Variants in NAA40 observed in about 807,000 individuals in gnomAD.
NAA40 encodes N-alpha-acetyltransferase 40.
Under a neutral mutation model 36.6 loss-of-function variants are expected in NAA40, and 26 were observed. The observed-to-expected ratio is 0.71, with a 90% CI of 0.52 to 0.98. The LOEUF is 0.98. Ranked by LOEUF, NAA40 falls within the 50% of genes least tolerant of loss-of-function variation. NAA40 has a pLI of 0.00. For missense variants in NAA40, 237 were observed against 306.5 expected (o/e 0.77, Z 1.69); for synonymous variants, 129 against 108.4 (o/e 1.19, Z -1.18).
intron 1 of NAA40, among the ~76,000 whole-genome samples, chr11:63,939,735 T>C (rs944788380): frequency 2.0e-5 from 3 of 152,122 alleles, no homozygotes; most frequent in Non-Finnish European, 4.4e-5. Flanking sequence ...TGCAATGAAA[T>C]GGTTCTTACG....
chr11:63,939,355 T>C, intron 1 of NAA40: 4 of 1,225,884 alleles, frequency 3.3e-6, no homozygotes, highest in Non-Finnish European at 3.0e-6. Flanking sequence ...CCCTTCCTGC[T>C]TCGCGGACCC....
intron 1 of NAA40, among the ~76,000 whole-genome samples, chr11:63,940,250 CA>C (rs2134263961): frequency 6.6e-6 from 1 of 152,142 alleles, no homozygotes; most frequent in East Asian, 1.9e-4. Flanking sequence ...AGGGTTTCAC[CA>C]CGTTGGCCAG....
At chr11:63,947,103 C>A in intron 3 of NAA40, 100 bp downstream of exon 3, 2 of 1,302,500 alleles carry the variant, frequency 1.5e-6, no homozygotes, top group Non-Finnish European at 2.2e-6. Flanking sequence ...TCTCATTGTT[C>A]TTCGTATTTA....
chr11:63,944,537 T>C (rs1049763437), intron 1 of NAA40, among the ~76,000 whole-genome samples: 2 of 152,044 alleles, frequency 1.3e-5, no homozygotes, highest in African/African-American at 4.8e-5. Flanking sequence ...GGACCCTCAG[T>C]CATCAAGCCA....
rs1342179436 is a variant in NAA40 at position 63,957,189 on chromosome 11, T to A, written c.*2710T>A. ...AGAGGAAATTTGGAAGATAAACTCC[T>A]TGATATATATATATATATATATATT... is the stretch of plus-strand genomic sequence containing the variant. On this transcript the variant is annotated 3_prime_UTR_variant, in exon 8 of 8. Coordinates refer to ENST00000377793, the MANE Select transcript of NAA40 (RefSeq NM_024771.4). 1.2e-5 allele frequency: 1 copy of A among 83,050 alleles called. No individual in the cohort carries two copies. Among genetic ancestry groups the A allele is most frequent in the Admixed American group, 1.4e-4 (1 of 7,378 alleles). 5.1% of individuals were successfully genotyped at this position (83,050 alleles called of 1,614,324 possible). A position where few individuals can be genotyped will look rare whatever the true frequency, so the allele number is the denominator to read the frequency against.
Position 63,944,334 on chromosome 11 carries a change from T to C in NAA40, c.7-1506T>C, listed in dbSNP as rs1200246778. 2.0e-5 allele frequency among the ~76,000 whole-genome samples: 3 copies of C among 151,166 alleles called. No homozygotes were observed. The East Asian group carries it at 5.8e-4, about 29-fold the overall frequency. On this transcript the variant is annotated intron_variant, in intron 1 of 7. Transcript: ENST00000377793. Reference sequence around the variant, plus strand: ...CCAGAGAGCTCAGGGAAAGGAGGGGTGTTGGGGGGGAGGTGTCAAAAGAGG... The same window carrying C: ...CCAGAGAGCTCAGGGAAAGGAGGGGCGTTGGGGGGGAGGTGTCAAAAGAGG...
chr11:63,939,052 G>C lies in NAA40; in HGVS notation c.-45G>C, dbSNP rs1361998685. The C allele has an allele frequency of 1.3e-6, 2 of 1,589,018 alleles. No individual in the cohort carries two copies. The highest frequency in any genetic ancestry group is 1.4e-5 in the African/African-American group (1 of 69,086). On this transcript the variant is annotated 5_prime_UTR_variant, in exon 1 of 8. Coordinates refer to ENST00000377793, the MANE Select transcript of NAA40 (RefSeq NM_024771.4). ...CAGCCACCGCCGTTGCCGCCTCCCT[G>C]CCGGCAAGTGTGTGAAGAAGAAGCT... is the stretch of plus-strand genomic sequence containing the variant.
intron 3 of NAA40, among the ~76,000 whole-genome samples, chr11:63,949,253 A>T (rs1942237289): frequency 1.3e-5 from 2 of 152,198 alleles, no homozygotes; most frequent in Admixed American, 1.3e-4. Flanking sequence ...ACTTGTCAGG[A>T]GGATAAGATG....
intron 1 of NAA40, among the ~76,000 whole-genome samples, chr11:63,941,278 C>G (rs1565169172): frequency 6.6e-6 from 1 of 152,186 alleles, no homozygotes; most frequent in Non-Finnish European, 1.5e-5. Flanking sequence ...AGTCATCATT[C>G]CTTGTAGTTA....
rs1481036158 is a variant in NAA40 at position 63,956,046 on chromosome 11, GCAGGAGCCTGTGTACA to G, written c.*1572_*1587del. ...GCTTCTCACCTGGATTCCTGCTTGT[GCAGGAGCCTGTGTACA>G]CAGGGCCTCCCTCACCCAGCCTGGC... On this transcript the variant is annotated 3_prime_UTR_variant, in exon 8 of 8. Transcript: ENST00000377793. The G allele has an allele frequency of 1.3e-5, 2 of 152,710 alleles. No homozygotes were observed. The highest frequency in any genetic ancestry group is 2.4e-5 in the African/African-American group (1 of 41,422). 9.5% of individuals were successfully genotyped at this position (152,710 alleles called of 1,614,324 possible). A position where few individuals can be genotyped will look rare whatever the true frequency, so the allele number is the denominator to read the frequency against.
chr11:63,946,456 T>C (rs1942188367), intron 2 of NAA40: 2 of 947,740 alleles, frequency 2.1e-6, no homozygotes, highest in South Asian at 2.8e-5. Flanking sequence ...TCACCTGCCT[T>C]GGCCTCCCAA....
chr11:63,956,721 T>A lies in NAA40; in HGVS notation c.*2242T>A, dbSNP rs1478251693. On this transcript the variant is annotated 3_prime_UTR_variant, in exon 8 of 8. Transcript: ENST00000377793. ...TGAGTGCGGTGGCTTACACCTGTAA[T>A]CCCAGCACTTTGGGAGGCTGAGGCA... The A allele has an allele frequency of 6.5e-6, 1 of 152,688 alleles. No homozygotes were observed. The highest frequency in any genetic ancestry group is 1.5e-5 in the Non-Finnish European group (1 of 68,108). The allele number at this position is 152,688 out of a possible 1,614,324, so 9.5% of individuals were successfully genotyped here.
At chr11:63,952,593 G>A in intron 5 of NAA40, 28 bp downstream of exon 5, 2 of 1,611,076 alleles carry the variant, frequency 1.2e-6, no homozygotes, top group Non-Finnish European at 1.7e-6. Flanking sequence ...GGGGAGGTAG[G>A]GGAGAGAGAC....
In NAA40 at chr11:63,954,363, A is replaced by C; in HGVS notation, c.598A>C (p.Ser200Arg). 1 of 1,603,834 alleles carries C rather than the reference A, an allele frequency of 6.2e-7. No homozygotes were observed. The highest frequency in any genetic ancestry group is 8.5e-7 in the Non-Finnish European group (1 of 1,175,942). The change falls in exon 8 of 8, where the codon AGC (serine) becomes CGC (arginine). Residue 200 changes from serine to arginine, a missense_variant. Ser to Arg is a moderately radical substitution (Grantham distance 110, BLOSUM62 -1). Transcript: ENST00000377793. ...LQFEIDDSSP[S>R]MSGCCGEDCS... ...ATTTGAAATTGATGACTCTTCCCCC[A>C]GCATGTCCGGTTGCTGTGGGGAGGA...
Position 63,946,812 on chromosome 11 carries a change from G to A in NAA40, c.103-139G>A, listed in dbSNP as rs774062329. The A allele has an allele frequency of 7.0e-6, 11 of 1,564,704 alleles. 2 individuals carry two copies. Among genetic ancestry groups the A allele is most frequent in the Middle Eastern group, 1.7e-4 (1 of 6,024 alleles). On this transcript the variant is annotated intron_variant, in intron 2 of 7. Coordinates refer to ENST00000377793, the MANE Select transcript of NAA40 (RefSeq NM_024771.4). The stretch of plus-strand genomic sequence containing the variant: ...AGAGCTAGGCAAATGGTGGGTTTTG[G>A]GAGGCTGCTCCTGGTTCTGAAGTTA...
intron 1 of NAA40, among the ~76,000 whole-genome samples, chr11:63,943,626 G>T (rs1448200045): frequency 6.6e-6 from 1 of 152,104 alleles, no homozygotes; most frequent in East Asian, 1.9e-4. Flanking sequence ...GTTTCCTATT[G>T]TGTAAAGGGA....
rs750149560 is a variant in NAA40 at position 63,954,025 on chromosome 11, A to G, written c.548A>G (p.Tyr183Cys). Residue 183 changes from tyrosine (Y) to cysteine (C), a missense_variant, in exon 7 of 8, where the codon TAC becomes TGC. Coordinates refer to ENST00000377793, the MANE Select transcript of NAA40 (RefSeq NM_024771.4). ...LTVFKHNHGA[Y>C]QFFREALQFE... ...GTATTTAAACACAATCATGGTGCCT[A>G]CCAGTTCTTCAGAGAAGCGTTGCAG... is the stretch of plus-strand genomic sequence containing the variant. The G allele has an allele frequency of 1.9e-6, 3 of 1,614,012 alleles. No individual in the cohort carries two copies. Among genetic ancestry groups the G allele is most frequent in the Admixed American group, 1.7e-5 (1 of 59,994 alleles).
Position 63,954,507 on chromosome 11 carries a change from T to G in NAA40, c.*28T>G, listed in dbSNP as rs1942333196. 2 of 1,576,424 alleles carry G rather than the reference T, an allele frequency of 1.3e-6. No homozygotes were observed. Among genetic ancestry groups the G allele is most frequent in the Non-Finnish European group, 1.7e-6 (2 of 1,162,758 alleles). ...TCTCAGAGCCACTTTCAAGTCACAA[T>G]GCTCTCTCCTAAGGCCTTTCCTCTT... On this transcript the variant is annotated 3_prime_UTR_variant, in exon 8 of 8. Coordinates refer to ENST00000377793, the MANE Select transcript of NAA40 (RefSeq NM_024771.4).
At chr11:63,939,211 C>G in intron 1 of NAA40, 109 bp downstream of exon 1, 1 of 1,190,222 alleles carries the variant, frequency 8.4e-7, no homozygotes, top group Non-Finnish European at 1.1e-6. Flanking sequence ...CCTCCAGCCT[C>G]ACGTGACCCC....
Sources: allele counts gnomAD v4.1 joint callset (sites outside exome capture counted in the v4.1 genomes callset), GRCh38; gene constraint gnomAD v4.1.1; transcripts MANE v1.5; gene names NCBI Gene and HGNC (gene_info 2026-07-23, HGNC 2026-07-21).